Variants in VPS13D observed in about 807,000 individuals in gnomAD.
VPS13D encodes intermembrane lipid transfer protein VPS13D.
A neutral mutation model predicts 461.9 loss-of-function variants in VPS13D; 187 were observed. That is an observed-to-expected ratio of 0.40 (90% confidence interval 0.36 to 0.46). VPS13D has a LOEUF of 0.46. VPS13D is among the 20% of genes least tolerant of loss of function. VPS13D has a pLI of 0.60. For missense variants in VPS13D, 4,711 were observed against 5,364.9 expected (o/e 0.88, Z 3.81); for synonymous variants, 1,951 against 1,986.3 (o/e 0.98, Z 0.47).
intron 2 of VPS13D, 67 bp from the exon 3 acceptor site, chr1:12,242,446 T>A (rs1487194507): frequency 8.5e-6 from 12 of 1,413,938 alleles, no homozygotes; most frequent in Non-Finnish European, 1.2e-5. Context: ...CTTCAATGCT[T>A]TACACACAGT....
At position 12,401,623 on chromosome 1, in the gene VPS13D, G is replaced by A. The variant is rs778989834; in HGVS notation, c.11800G>A (p.Ala3934Thr). Reference sequence around the variant, plus strand: ...TTATCTCTAGCATCTGATGATCACAGCTCAGAGATTCACAGTGCAAATTGA... The same window carrying A: ...TTATCTCTAGCATCTGATGATCACAACTCAGAGATTCACAGTGCAAATTGA... The part of the protein sequence containing the change: ...TNIYKHLMIT[A>T]QRFTVQIEEK... Residue 3934 changes from alanine (A) to threonine (T), a missense_variant, in exon 62 of 70, where the codon GCT becomes ACT. By Grantham distance (58) the Ala-to-Thr change is moderately conservative. Transcript: ENST00000620676. 3 of 1,612,332 alleles carry A rather than the reference G, an allele frequency of 1.9e-6. No homozygotes were observed. In the Admixed American group the frequency reaches 5.0e-5, roughly 27 times the overall value.
intron 1 of VPS13D, among the ~76,000 whole-genome samples, chr1:12,233,157 C>A (rs1044044257): frequency 3.9e-5 from 6 of 152,080 alleles, no homozygotes; most frequent in African/African-American, 1.4e-4. Flanking sequence ...AGGTGCCTGC[C>A]ACCATGCCTG....
intron 24 of VPS13D, among the ~76,000 whole-genome samples, chr1:12,296,875 C>G (rs1642294313): frequency 1.3e-5 from 2 of 152,112 alleles, no homozygotes; most frequent in Non-Finnish European, 2.9e-5. Context: ...AAACGAGATA[C>G]TTGTATATTA....
In VPS13D at chr1:12,348,993, C is replaced by G. The variant is rs754388993; in HGVS notation, c.9220+20C>G. On this transcript the variant is annotated intron_variant, in intron 45 of 69. Coordinates refer to ENST00000620676, the MANE Select transcript of VPS13D (RefSeq NM_015378.4). ...CAGACAGTATGTTTTGATTGTCTAG[C>G]ATATAGTAAATGCTGATAAATACTT... 1.2e-6 allele frequency: 2 copies of G among 1,614,036 alleles called. No individual in the cohort carries two copies. The highest frequency in any genetic ancestry group is 4.5e-5 in the East Asian group (2 of 44,874).
intron 13 of VPS13D, 134 bp from the exon 14 acceptor site, chr1:12,266,747 T>G: frequency 1.2e-6 from 1 of 865,104 alleles, no homozygotes; most frequent in Non-Finnish European, 1.6e-6. Context: ...TAGGGTTTTT[T>G]TGTTTGTTTG....
rs758658096 is a variant in VPS13D at position 12,327,720 on chromosome 1, C to G, written c.8063C>G (p.Thr2688Ser). The G allele has an allele frequency of 3.1e-6, 5 of 1,614,176 alleles. No homozygotes were observed. The South Asian group carries it at 5.5e-5, about 18-fold the overall frequency. The change falls in exon 36 of 70, where the codon ACC becomes AGC. Residue 2688 changes from threonine (T) to serine (S), a missense_variant. Thr to Ser is a moderately conservative substitution (Grantham distance 58). Coordinates refer to ENST00000620676, the MANE Select transcript of VPS13D (RefSeq NM_015378.4). ...EPLKSLSLAS[T>S]SRDSPGAVAA... ...CTGAAGTCTCTTTCCTTGGCCTCCACCAGCCGAGATAGCCCAGGGGCTGTG... is the reference window on the plus strand; with the variant it reads ...CTGAAGTCTCTTTCCTTGGCCTCCAGCAGCCGAGATAGCCCAGGGGCTGTG...
In VPS13D at chr1:12,505,584, G is replaced by A. The variant is rs767232368; in HGVS notation, c.12795-1269G>A. 4.5e-4 allele frequency among the ~76,000 whole-genome samples: 69 copies of A among 152,218 alleles called. No homozygotes were observed. Among genetic ancestry groups the A allele is most frequent in the Non-Finnish European group, 8.5e-4 (58 of 68,042 alleles). ...TGTGGGGTGCTCAGGAAGACACGGGGCTGTGAGATATGGACTCCACTTAGA... is the reference window on the plus strand; with the variant it reads ...TGTGGGGTGCTCAGGAAGACACGGGACTGTGAGATATGGACTCCACTTAGA... On this transcript the variant is annotated intron_variant, in intron 68 of 69. Transcript: ENST00000620676. The surrounding 1 kb of genome is among the most constrained non-coding windows in gnomAD (Gnocchi z 4.2).
chr1:12,464,929 A>T (rs183341476), intron 67 of VPS13D: 1 of 152,236 alleles, frequency 6.6e-6, no homozygotes, highest in Non-Finnish European at 1.5e-5. Context: ...AGTAAAGTTT[A>T]TGAAAATGGC....
chr1:12,472,158 T>A (rs774788758), intron 67 of VPS13D, among the ~76,000 whole-genome samples: 2 of 152,220 alleles, frequency 1.3e-5, no homozygotes, highest in Non-Finnish European at 2.9e-5. Context: ...GGTCTTTTTC[T>A]TTCATGAATA....
intron 59 of VPS13D, 37 bp downstream of exon 59, chr1:12,385,410 A>G: frequency 6.5e-7 from 1 of 1,544,610 alleles, no homozygotes; most frequent in Non-Finnish European, 8.8e-7. Context: ...TTATTTGATC[A>G]TCAGTTTTTT....
At chr1:12,391,646 G>A (rs139628684) in intron 60 of VPS13D, among the ~76,000 whole-genome samples, 13 of 152,156 alleles carry the variant, frequency 8.5e-5, no homozygotes, top group Non-Finnish European at 1.3e-4. Context: ...GTTTCACCAC[G>A]TTGGCCAGCC....
chr1:12,251,672 C>G (rs1640737387), intron 6 of VPS13D, among the ~76,000 whole-genome samples: 1 of 152,136 alleles, frequency 6.6e-6, no homozygotes, highest in South Asian at 2.1e-4. Context: ...TCCTGGCACA[C>G]TGAAGGGAAA....
intron 60 of VPS13D, among the ~76,000 whole-genome samples, chr1:12,389,598 AAAAG>A (rs202006043): frequency 0.019 from 2,877 of 152,334 alleles, 108 homozygotes; most frequent in Admixed American, 0.099. Context: ...TGTTTTTAAC[AAAAG>A]AAAGAGGAAA....
intron 60 of VPS13D, among the ~76,000 whole-genome samples, chr1:12,391,386 G>A (rs919157075): frequency 2.6e-5 from 4 of 152,200 alleles, no homozygotes; most frequent in East Asian, 1.9e-4. Context: ...ATCAGTGCAG[G>A]CTAGGGGAGA....
chr1:12,260,431 T>G (rs1641072096), intron 10 of VPS13D, among the ~76,000 whole-genome samples: 1 of 152,148 alleles, frequency 6.6e-6, no homozygotes, highest in South Asian at 2.1e-4. Flanking sequence ...TTTTTCCCCT[T>G]CTTTCATAGA....
At chr1:12,483,553 C>T (rs1645753320) in intron 67 of VPS13D, among the ~76,000 whole-genome samples, 1 of 151,962 alleles carries the variant, frequency 6.6e-6, no homozygotes. Context: ...GCCAGTTTGT[C>T]ATCCATGTAA....
chr1:12,288,621 CTCTA>C (rs1353084245), intron 22 of VPS13D, among the ~76,000 whole-genome samples: 1 of 151,516 alleles, frequency 6.6e-6, no homozygotes, highest in African/African-American at 2.4e-5. Context: ...TTTCAACAGA[CTCTA>C]TCTAGGGTGC....
intron 65 of VPS13D, among the ~76,000 whole-genome samples, chr1:12,434,602 C>T (rs1027391700): frequency 6.6e-6 from 1 of 152,038 alleles, no homozygotes; most frequent in Non-Finnish European, 1.5e-5. Flanking sequence ...TTCCCCCCAC[C>T]CCCAGTAAGC....
At position 12,299,318 on chromosome 1, in the gene VPS13D, G is replaced by C; in HGVS notation, c.6150G>C (p.Gly2050=). ...ATAATCTGATTGTAGCAAATTTGGG[G>C]AAGTTGAAAGTCAAAAATAAGTTTC... ...RSNNLIVANL[G]KLKVKNKFLF... Residue 2050 remains glycine, a synonymous_variant, in exon 25 of 70, where the codon GGG becomes GGC. Transcript: ENST00000620676. This position sits in a 1 kb window ranked among gnomAD's most constrained non-coding sequence, Gnocchi z 4.2. 6.2e-7 allele frequency: 1 copy of C among 1,614,004 alleles called. No individual in the cohort carries two copies. The highest frequency in any genetic ancestry group is 8.5e-7 in the Non-Finnish European group (1 of 1,179,996).
Sources: gnomAD v4.1 joint callset for allele counts (sites outside exome capture counted in the v4.1 genomes callset) on GRCh38, gnomAD v4.1.1 for gene constraint, Gnocchi (gnomAD v3.1) non-coding constraint, MANE v1.5 for transcripts, NCBI Gene and HGNC (gene_info 2026-07-23, HGNC 2026-07-21) for gene names.